UTP18: variants seen among roughly 807,000 people sequenced by gnomAD.
The protein encoded by UTP18 is UTP18 small subunit processome component.
In UTP18, 36 loss-of-function variants were observed where a neutral mutation model predicts 61.1. The observed-to-expected ratio is 0.59, with a 90% CI of 0.45 to 0.78. The LOEUF (loss-of-function observed/expected upper bound fraction) is 0.78. UTP18 is among the 30% of genes least tolerant of loss of function. The pLI, the probability that UTP18 is intolerant of heterozygous loss-of-function variation, is 0.00. For missense variants in UTP18, 753 were observed against 693.9 expected (o/e 1.09, Z -0.96); for synonymous variants, 282 against 251.1 (o/e 1.12, Z -1.16).
chr17:51,270,963 G>A (rs1369742885), intron 4 of UTP18, among the ~76,000 whole-genome samples: 1 of 152,162 alleles, frequency 6.6e-6, no homozygotes, highest in Non-Finnish European at 1.5e-5. Flanking sequence ...ATGGTGACTA[G>A]CACTCAGCTT....
In UTP18 at chr17:51,274,109, C is replaced by T. The variant is rs75030176; in HGVS notation, c.711+659C>T. 1.9e-3 allele frequency among the ~76,000 whole-genome samples: 284 copies of T among 152,328 alleles called. 5 individuals carry two copies. The East Asian group carries it at 0.042, about 23-fold the overall frequency. On this transcript the variant is annotated intron_variant, in intron 5 of 13. Coordinates refer to ENST00000225298, the MANE Select transcript of UTP18 (RefSeq NM_016001.3). ...TGATTTCCCACTTGAGTCACACAAG[C>T]CTTTTTCTGTTTCTTGGACATGCTG...
chr17:51,269,376 T>C (rs1904433702), intron 4 of UTP18, among the ~76,000 whole-genome samples: 1 of 149,810 alleles, frequency 6.7e-6, no homozygotes, highest in African/African-American at 2.5e-5. Flanking sequence ...ACTTGTACCA[T>C]GGCTATTTTC....
chr17:51,275,033 A>G (rs1001981625), intron 5 of UTP18, among the ~76,000 whole-genome samples: 2 of 151,734 alleles, frequency 1.3e-5, no homozygotes, highest in Admixed American at 6.6e-5. Flanking sequence ...CCTCATCTCT[A>G]CTGAAAATAC....
chr17:51,294,106 G>C, intron 12 of UTP18, 61 bp downstream of exon 12: 1 of 1,384,280 alleles, frequency 7.2e-7, no homozygotes. Flanking sequence ...ACAGTATGAA[G>C]AGATACTATA....
At chr17:51,266,599 G>A (rs1351365352) in intron 3 of UTP18, among the ~76,000 whole-genome samples, 2 of 152,120 alleles carry the variant, frequency 1.3e-5, no homozygotes, top group Non-Finnish European at 2.9e-5. Context: ...GGGTTCAATG[G>A]TTTTTAACAT....
At chr17:51,280,226 C>A in intron 8 of UTP18, 121 bp downstream of exon 8, 1 of 1,307,866 alleles carries the variant, frequency 7.6e-7, no homozygotes, top group Non-Finnish European at 1.1e-6. Flanking sequence ...ACAGGTGGGA[C>A]TTGGAGAGAA....
chr17:51,262,327 G>C (rs1435563222), intron 1 of UTP18, among the ~76,000 whole-genome samples: 1 of 151,884 alleles, frequency 6.6e-6, no homozygotes. Flanking sequence ...CTCGTGATCC[G>C]CCCGCCTCGG....
At chr17:51,278,482 G>T (rs766328551) in intron 7 of UTP18, among the ~76,000 whole-genome samples, 1 of 152,252 alleles carries the variant, frequency 6.6e-6, no homozygotes, top group Non-Finnish European at 1.5e-5. Context: ...CGCACCATGC[G>T]TTGGCCAAGA....
intron 3 of UTP18, among the ~76,000 whole-genome samples, chr17:51,267,891 AGTT>A (rs910465755): frequency 1.5e-4 from 23 of 151,432 alleles, no homozygotes; most frequent in South Asian, 4.2e-4. Flanking sequence ...CCAGGTTTCT[AGTT>A]GTTTATGGCT....
chr17:51,287,784 A>C (rs1387816611), intron 10 of UTP18, among the ~76,000 whole-genome samples: 1 of 152,230 alleles, frequency 6.6e-6, no homozygotes, highest in Non-Finnish European at 1.5e-5. Flanking sequence ...AGGAATCAGG[A>C]TGCAAGAAGA....
chr17:51,281,801 A>T (rs2144425335), intron 9 of UTP18, among the ~76,000 whole-genome samples: 1 of 152,336 alleles, frequency 6.6e-6, no homozygotes, highest in Admixed American at 6.5e-5. Context: ...AAAAGGCATA[A>T]TTTTAAATAA....
chr17:51,260,954 G>A (rs2055448188), intron 1 of UTP18, 28 bp downstream of exon 1: 2 of 1,467,400 alleles, frequency 1.4e-6, no homozygotes, highest in Middle Eastern at 2.3e-4. Flanking sequence ...GCGCGGGCTG[G>A]GCGCACTCGG....
At chr17:51,279,441 GA>G (rs1265782430) in intron 7 of UTP18, among the ~76,000 whole-genome samples, 1 of 152,102 alleles carries the variant, frequency 6.6e-6, no homozygotes, top group Non-Finnish European at 1.5e-5. Context: ...CACATCCAGA[GA>G]AGCTAGTCAG....
intron 4 of UTP18, among the ~76,000 whole-genome samples, chr17:51,272,392 C>A (rs1248104138): frequency 6.6e-6 from 1 of 152,200 alleles, no homozygotes; most frequent in Non-Finnish European, 1.5e-5. Context: ...AGCCACCGCG[C>A]CTGGCCTGAA....
chr17:51,279,054 C>T (rs537287607), intron 7 of UTP18, among the ~76,000 whole-genome samples: 1 of 152,218 alleles, frequency 6.6e-6, no homozygotes, highest in South Asian at 2.1e-4. Flanking sequence ...TTTTGTAACT[C>T]CTTTTTCTCT....
At chr17:51,289,371 A>T (rs368922442) in intron 11 of UTP18, among the ~76,000 whole-genome samples, 53 of 138,096 alleles carry the variant, frequency 3.8e-4, no homozygotes, top group South Asian at 4.6e-4. Context: ...TCATTTTTGT[A>T]TTTTTTTTTT....
chr17:51,264,790 C>G (rs902327793), intron 2 of UTP18, among the ~76,000 whole-genome samples: 27 of 151,414 alleles, frequency 1.8e-4, no homozygotes, highest in African/African-American at 6.1e-4. Context: ...TCAAGCGATT[C>G]TCCTGCTTCA....
rs1330155484 is a variant in UTP18 at position 51,282,167 on chromosome 17, T to A, written c.1204+1688T>A. Among the ~76,000 whole-genome samples, 3 of 152,248 alleles carry A rather than the reference T, an allele frequency of 2.0e-5. No homozygotes were observed. In the East Asian group the frequency reaches 5.8e-4, roughly 29 times the overall value. ...GCGGGAGACTTTCAAGTGGTTCTGC[T>A]CTGTGGGTAGTAGTCAGCAACCTCT... On this transcript the variant is annotated intron_variant, in intron 9 of 13. Coordinates refer to ENST00000225298, the MANE Select transcript of UTP18 (RefSeq NM_016001.3).
At chr17:51,266,381 T>A in intron 3 of UTP18, 101 bp downstream of exon 3, 2 of 771,832 alleles carry the variant, frequency 2.6e-6, no homozygotes, top group Non-Finnish European at 3.8e-6. Flanking sequence ...TTTGAAACAG[T>A]AAGAGGATTG....
Sources: allele counts gnomAD v4.1 joint callset (sites outside exome capture counted in the v4.1 genomes callset), GRCh38; gene constraint gnomAD v4.1.1; transcripts MANE v1.5; gene names NCBI Gene and HGNC (gene_info 2026-07-23, HGNC 2026-07-21).